The following ATG7 variants were observed in gnomAD, a reference collection of about 807,000 sequenced individuals.
The protein encoded by ATG7 is autophagy related 7.
A neutral mutation model predicts 82.4 loss-of-function variants in ATG7; 70 were observed. The observed-to-expected ratio is 0.85, with a 90% CI of 0.70 to 1.04. The LOEUF is 1.04. ATG7 is among the 50% of genes least tolerant of loss of function. The pLI, the probability that ATG7 is intolerant of heterozygous loss-of-function variation, is 0.00. For missense variants in ATG7, 792 were observed against 864.3 expected, an observed-to-expected ratio of 0.92 and a Z score of 1.05; for synonymous variants, 287 against 313.0, an observed-to-expected ratio of 0.92 and a Z score of 0.88.
rs931219019 is a variant in ATG7, at chr3:11,318,653, C to T, written c.678+3160C>T. Among the ~76,000 whole-genome samples the T allele has an allele frequency of 2.0e-5, 3 of 152,162 alleles. No homozygotes were observed. The South Asian group carries it at 6.2e-4, about 31-fold the overall frequency. Reference sequence around the variant, plus strand: ...AAGGTTCCTGTTGACTTCGGGATAACGTTAAAACTACTTAGCTTGGCGTTT... The same window carrying T: ...AAGGTTCCTGTTGACTTCGGGATAATGTTAAAACTACTTAGCTTGGCGTTT... On this transcript the variant is annotated intron_variant, in intron 9 of 20. Transcript: ENST00000693202.
chr3:11,299,881 T>A (rs1412438136), intron 5 of ATG7, among the ~76,000 whole-genome samples: 7 of 151,994 alleles, frequency 4.6e-5, no homozygotes, highest in Non-Finnish European at 8.8e-5. Context: ...AGAATTTTTT[T>A]AAATCTGCTT....
intron 19 of ATG7, among the ~76,000 whole-genome samples, chr3:11,422,069 T>G (rs149564966): frequency 1.1e-4 from 16 of 152,312 alleles, no homozygotes; most frequent in African/African-American, 3.4e-4. Flanking sequence ...CAGAGAAGAT[T>G]TAGCATAATT....
At chr3:11,301,324 T>C (rs1048022890) in intron 5 of ATG7, among the ~76,000 whole-genome samples, 3 of 152,224 alleles carry the variant, frequency 2.0e-5, no homozygotes, top group African/African-American at 7.2e-5. Context: ...TTTTCTGCTT[T>C]ATTGTACCTC....
chr3:11,467,049 G>A (rs1559684223), intron 20 of ATG7, among the ~76,000 whole-genome samples: 2 of 152,190 alleles, frequency 1.3e-5, no homozygotes, highest in East Asian at 1.9e-4. Context: ...ACTTGAACCC[G>A]AGAGGCAGAG....
chr3:11,273,232 T>C (rs1940910820), intron 1 of ATG7, among the ~76,000 whole-genome samples: 1 of 152,246 alleles, frequency 6.6e-6, no homozygotes, highest in South Asian at 2.1e-4. Context: ...GGCTGTCAGT[T>C]TGGGACCTCT....
chr3:11,549,157 C>T (rs571962067), intron 20 of ATG7, among the ~76,000 whole-genome samples: 1 of 152,164 alleles, frequency 6.6e-6, no homozygotes, highest in East Asian at 1.9e-4. Flanking sequence ...GACAAATTAT[C>T]TACTTCCTGT....
intron 20 of ATG7, among the ~76,000 whole-genome samples, chr3:11,479,328 G>A (rs1257995095): frequency 2.0e-5 from 3 of 152,136 alleles, no homozygotes; most frequent in Non-Finnish European, 4.4e-5. Context: ...TACCATATTT[G>A]TGTGAATTTC....
chr3:11,318,987 GC>G (rs1949836643), intron 9 of ATG7, among the ~76,000 whole-genome samples: 1 of 152,176 alleles, frequency 6.6e-6, no homozygotes. Context: ...TTTTCTGCCT[GC>G]CCCATATCCC....
chr3:11,554,998 A>G lies in ATG7; in HGVS notation c.*155A>G. On this transcript the variant is annotated 3_prime_UTR_variant, in exon 21 of 21. Coordinates refer to ENST00000693202, the MANE Select transcript of ATG7 (RefSeq NM_001349232.2). The stretch of plus-strand genomic sequence containing the variant: ...CCCCCTCTGCTGCCCAGGAGTGGCC[A>G]GTGTTCGGCGTTGCTCGGGATTCAA... The G allele has an allele frequency of 1.1e-6, 1 of 947,498 alleles. No individual in the cohort carries two copies. The highest frequency in any genetic ancestry group is 1.8e-5 in the South Asian group (1 of 56,090). 58.7% of individuals were successfully genotyped at this position (947,498 alleles called of 1,614,324 possible). A position where few individuals can be genotyped will look rare whatever the true frequency, so the allele number is the denominator to read the frequency against.
chr3:11,454,828 G>A (rs1252554088), intron 20 of ATG7, among the ~76,000 whole-genome samples: 4 of 152,098 alleles, frequency 2.6e-5, no homozygotes, highest in Non-Finnish European at 5.9e-5. Context: ...TGAGGTTAAT[G>A]GCTACCATAT....
At chr3:11,475,903 A>G (rs2088134893) in intron 20 of ATG7, among the ~76,000 whole-genome samples, 1 of 150,338 alleles carries the variant, frequency 6.7e-6, no homozygotes, top group Admixed American at 6.6e-5. Flanking sequence ...ACACACACAC[A>G]CACACCCCCT....
chr3:11,545,484 C>T (rs1246608914), intron 20 of ATG7, among the ~76,000 whole-genome samples: 1 of 152,096 alleles, frequency 6.6e-6, no homozygotes, highest in Non-Finnish European at 1.5e-5. Context: ...TCTCCACGGC[C>T]TGCAGCCGCT....
Position 11,471,745 on chromosome 3 carries a change from C to CTCT in ATG7, c.2079+44820_2079+44821insCTT, listed in dbSNP as rs775138453. On this transcript the variant is annotated intron_variant, in intron 20 of 20. Coordinates refer to ENST00000693202, the MANE Select transcript of ATG7 (RefSeq NM_001349232.2). ...CTTCATAGATTGGCTTTTTAGATTTCTTTTTTTTTTTTTTTTGAAATGTAG... is the reference window on the plus strand; with the variant it reads ...CTTCATAGATTGGCTTTTTAGATTTCTCTTTTTTTTTTTTTTTTTGAAATGTAG... Among the ~76,000 whole-genome samples, 39 of 105,694 alleles carry CTCT rather than the reference C, an allele frequency of 3.7e-4. 1 individual carries two copies. The highest frequency in any genetic ancestry group is 1.2e-3 in the African/African-American group (32 of 26,582). 69.3% of individuals were successfully genotyped at this position (105,694 alleles called of 152,430 possible). A position where few individuals can be genotyped will look rare whatever the true frequency, so the allele number is the denominator to read the frequency against.
At chr3:11,419,225 G>C (rs2081702395) in intron 19 of ATG7, among the ~76,000 whole-genome samples, 1 of 152,162 alleles carries the variant, frequency 6.6e-6, no homozygotes, top group African/African-American at 2.4e-5. Context: ...TTTTTAGATA[G>C]AGTGTACATT....
Position 11,479,929 on chromosome 3 carries a change from AT to A in ATG7, c.2079+53019del, listed in dbSNP as rs1240114722. 6.4e-3 allele frequency among the ~76,000 whole-genome samples: 899 copies of A among 140,700 alleles called. 4 individuals are homozygous for A. Among genetic ancestry groups the A allele is most frequent in the African/African-American group, 0.016 (613 of 38,508 alleles). 92.3% of individuals were successfully genotyped at this position (140,700 alleles called of 152,430 possible). On this transcript the variant is annotated intron_variant, in intron 20 of 20. Coordinates refer to ENST00000693202, the MANE Select transcript of ATG7 (RefSeq NM_001349232.2). ...TTCTGCACTGCCTGCCCTGGAATCA[AT>A]TTTTTTTTTTTTTTTGAGATGGAGT...
intron 13 of ATG7, among the ~76,000 whole-genome samples, chr3:11,345,201 C>T (rs1054940162): frequency 6.6e-6 from 1 of 151,780 alleles, no homozygotes; most frequent in Non-Finnish European, 1.5e-5. Context: ...GTCAGGAGAT[C>T]GAGACCATCC....
the ATG7 span, among the ~76,000 whole-genome samples, chr3:11,567,920 G>A: frequency 6.6e-6 from 1 of 152,286 alleles, no homozygotes; most frequent in South Asian, 2.1e-4. Flanking sequence ...GCATAGACCT[G>A]GGGGCTCATG....
At chr3:11,483,905 G>GGA (rs1300630209) in intron 20 of ATG7, among the ~76,000 whole-genome samples, 1 of 152,058 alleles carries the variant, frequency 6.6e-6, no homozygotes, top group Non-Finnish European at 1.5e-5. Flanking sequence ...CAAGAAAGAT[G>GGA]GAGAGAGAGA....
At chr3:11,509,532 A>G (rs563415299) in intron 20 of ATG7, among the ~76,000 whole-genome samples, 1 of 151,954 alleles carries the variant, frequency 6.6e-6, no homozygotes, top group Non-Finnish European at 1.5e-5. Flanking sequence ...TTTGTATTTT[A>G]TGAGCGTTTA....
Sources: allele counts gnomAD v4.1 joint callset (sites outside exome capture counted in the v4.1 genomes callset), GRCh38; gene constraint gnomAD v4.1.1; transcripts MANE v1.5; gene names NCBI Gene and HGNC (gene_info 2026-07-23, HGNC 2026-07-21).